The following CTSV variants were observed in gnomAD, a reference collection of about 807,000 sequenced individuals.
CTSV encodes the protein cathepsin L2.
A neutral mutation model predicts 35.6 loss-of-function variants in CTSV; 33 were observed. The ratio of observed to expected loss-of-function variants is 0.93; its 90% CI spans 0.70 to 1.24. The LOEUF (loss-of-function observed/expected upper bound fraction) is 1.24, where lower values mean the gene tolerates loss of function less well. Ranked by LOEUF, CTSV falls within the 50% of genes most tolerant of loss-of-function variation. The pLI is 0.00. For synonymous variants in CTSV, 154 were observed against 147.1 expected (o/e 1.05, Z -0.34); for missense variants, 408 against 413.1 (o/e 0.99, Z 0.11).
At position 97,036,547 on chromosome 9, in the gene CTSV, C is replaced by T; in HGVS notation, c.597G>A (p.Glu199=). ...CCACTGCTACATATGGATAGGATTC[C>T]TCAGAGTCCAGGCCTCCGTTCTCCT... ...YVKENGGLDS[E]ESYPYVAVDE... is the part of the protein sequence containing the mutation. The change falls in exon 5 of 8, where the codon GAG becomes GAA. Residue 199 remains glutamate, a synonymous_variant. Coordinates refer to ENST00000259470, the MANE Select transcript of CTSV (RefSeq NM_001333.4). The T allele has an allele frequency of 6.2e-7, 1 of 1,613,934 alleles. No individual in the cohort carries two copies. The highest frequency in any genetic ancestry group is 1.1e-5 in the South Asian group (1 of 91,074).
chr9:97,037,489 T>C lies in CTSV; in HGVS notation c.249+4A>G, dbSNP rs760018434. The C allele has an allele frequency of 6.2e-6, 10 of 1,614,086 alleles. No individual in the cohort carries two copies. Among genetic ancestry groups the C allele is most frequent in the South Asian group, 1.1e-5 (1 of 91,088 alleles). On this transcript the variant is annotated splice_donor_region_variant and intron_variant, in intron 3 of 7. Transcript: ENST00000259470. ...CAGAGTTCAGCAATCCTTGCCACAC[T>C]CACCATGTCACCAAAAGCATTCATG...
In CTSV at chr9:97,036,793, A is replaced by G. The variant is rs1828860059; in HGVS notation, c.397-46T>C. 5 of 1,434,496 alleles carry G rather than the reference A, an allele frequency of 3.5e-6. No homozygotes were observed. In the African/African-American group the frequency reaches 5.8e-5, roughly 17 times the overall value. 88.9% of individuals were successfully genotyped at this position (1,434,496 alleles called of 1,614,324 possible). ...AGCTGTAAATTTACAAGACCAATAC[A>G]AATACAGTACCCCATAATTGAATTA... On this transcript the variant is annotated intron_variant, in intron 4 of 7. Transcript: ENST00000259470.
At chr9:97,036,164 G>T (rs565695807) in intron 5 of CTSV, among the ~76,000 whole-genome samples, 1 of 151,558 alleles carries the variant, frequency 6.6e-6, no homozygotes, top group African/African-American at 2.4e-5. Flanking sequence ...TCCGCCTCCC[G>T]GGTTCACGTC....
chr9:97,034,607 T>A, intron 7 of CTSV, 119 bp downstream of exon 7: 1 of 730,398 alleles, frequency 1.4e-6, no homozygotes, highest in Non-Finnish European at 2.4e-6. Flanking sequence ...ACATTAATAT[T>A]TCTGTGTTCA....
chr9:97,037,636 G>C, intron 2 of CTSV, 21 bp from the exon 3 acceptor site: 1 of 1,611,930 alleles, frequency 6.2e-7, no homozygotes, highest in East Asian at 2.2e-5. Context: ...ACATATAGCT[G>C]GTGGACTTTA....
chr9:97,035,750 TTAG>T, intron 5 of CTSV, 57 bp from the exon 6 acceptor site: 3 of 1,246,966 alleles, frequency 2.4e-6, no homozygotes, highest in Non-Finnish European at 3.1e-6. Flanking sequence ...CTGGGGAACA[TTAG>T]TTCTAGAACC....
At chr9:97,037,874 C>T (rs1258309183) in intron 2 of CTSV, 44 bp downstream of exon 2, 15 of 1,604,286 alleles carry the variant, frequency 9.3e-6, no homozygotes, top group Non-Finnish European at 1.3e-5. Flanking sequence ...CAGCGAGGAC[C>T]ATTCTCTCCA....
Position 97,031,980 on chromosome 9 carries a change from G to GTCA in CTSV, c.*966_*968dup, listed in dbSNP as rs1359062638. The GTCA allele has an allele frequency of 6.6e-6, 1 of 152,224 alleles. No individual in the cohort carries two copies. Among genetic ancestry groups the GTCA allele is most frequent in the African/African-American group, 2.4e-5 (1 of 41,448 alleles). 9.4% of individuals were successfully genotyped at this position (152,224 alleles called of 1,614,324 possible). A position where few individuals can be genotyped will look rare whatever the true frequency, so the allele number is the denominator to read the frequency against. On this transcript the variant is annotated 3_prime_UTR_variant, in exon 8 of 8. Coordinates refer to ENST00000259470, the MANE Select transcript of CTSV (RefSeq NM_001333.4). ...TGCGTCTTCCTCAGACTGCAAAGTG[G>GTCA]TCACCAGCAATTCAGAGAGGCTCCA...
intron 4 of CTSV, among the ~76,000 whole-genome samples, 188 bp from the exon 5 acceptor site, chr9:97,036,935 T>C (rs1828862758): frequency 6.6e-6 from 1 of 151,778 alleles, no homozygotes; most frequent in Non-Finnish European, 1.5e-5. Context: ...TGAAACCCTG[T>C]CGCTACTAAA....
intron 1 of CTSV, chr9:97,038,275 T>C: frequency 4.5e-6 from 2 of 440,364 alleles, no homozygotes; most frequent in East Asian, 4.1e-5. Context: ...TAATTTAGGG[T>C]ATGAGAAGGG....
chr9:97,036,372 G>C, intron 5 of CTSV, 151 bp downstream of exon 5: 2 of 713,242 alleles, frequency 2.8e-6, no homozygotes, highest in Non-Finnish European at 4.9e-6. Context: ...CCTGGCCAAA[G>C]GCTAATAATT....
At position 97,031,198 on chromosome 9, in the gene CTSV, T is replaced by C. The variant is rs924034899; in HGVS notation, c.*1751A>G. 6 of 152,312 alleles carry C rather than the reference T, an allele frequency of 3.9e-5. No individual in the cohort carries two copies. Among genetic ancestry groups the C allele is most frequent in the African/African-American group, 1.2e-4 (5 of 41,562 alleles). 9.4% of individuals were successfully genotyped at this position (152,312 alleles called of 1,614,324 possible). A position where few individuals can be genotyped will look rare whatever the true frequency, so the allele number is the denominator to read the frequency against. On this transcript the variant is annotated 3_prime_UTR_variant, in exon 8 of 8. Transcript: ENST00000259470. ...CCAAGAATCTGTGGAGAGTACCAAC[T>C]TAGCCTGCTGCTGCAAAGACGAAGG...
chr9:97,038,317 A>C, intron 1 of CTSV: 1 of 303,186 alleles, frequency 3.3e-6, no homozygotes, highest in Non-Finnish European at 6.3e-6. Context: ...GAGAAGCTTA[A>C]GGCAACAACT....
In CTSV at chr9:97,035,660, C is replaced by T. The variant is rs1366704089; in HGVS notation, c.655G>A (p.Val219Ile). Reference protein sequence around the residue: ...EICKYRPENSVANDTGFTVVA... With the variant: ...EICKYRPENSIANDTGFTVVA... ...ACTGTGAAGCCAGTGTCATTAGCAA[C>T]AGAATTCTCAGGTCTGTACTTACAG... Residue 219 changes from valine (V) to isoleucine (I), a missense_variant, in exon 6 of 8, where the codon GTT becomes ATT. Transcript: ENST00000259470. The T allele has an allele frequency of 1.3e-6, 2 of 1,588,932 alleles. No individual in the cohort carries two copies. Among genetic ancestry groups the T allele is most frequent in the African/African-American group, 1.4e-5 (1 of 73,720 alleles).
At chr9:97,039,321 C>G (rs916676860), upstream of CTSV, 2 of 152,736 alleles carry the variant, frequency 1.3e-5, no homozygotes, top group African/African-American at 4.8e-5. Flanking sequence ...TCAATACACC[C>G]TGGCTGCGGG....
At chr9:97,036,412 G>A in intron 5 of CTSV, 111 bp downstream of exon 5, 1 of 820,822 alleles carries the variant, frequency 1.2e-6, no homozygotes, top group Non-Finnish European at 2.1e-6. Context: ...GTTTGCAGAT[G>A]TAGATTCTAC....
At chr9:97,034,355 G>A (rs953490841) in intron 7 of CTSV, among the ~76,000 whole-genome samples, 2 of 152,274 alleles carry the variant, frequency 1.3e-5, no homozygotes, top group Middle Eastern at 6.8e-3. Flanking sequence ...CTGGACTCCC[G>A]GATGATCTCT....
rs528043145 is a variant in CTSV at position 97,031,545 on chromosome 9, T to A, written c.*1404A>T. ...AAACGAGTTAAATAACCACCCATAATTCACCCACAAGTTTGGTGTACTTTC... is the reference window on the plus strand; with the variant it reads ...AAACGAGTTAAATAACCACCCATAAATCACCCACAAGTTTGGTGTACTTTC... On this transcript the variant is annotated 3_prime_UTR_variant, in exon 8 of 8. Coordinates refer to ENST00000259470, the MANE Select transcript of CTSV (RefSeq NM_001333.4). 6.6e-6 allele frequency: 1 copy of A among 152,258 alleles called. No individual in the cohort carries two copies. The highest frequency in any genetic ancestry group is 1.5e-5 in the Non-Finnish European group (1 of 68,046). The allele number at this position is 152,258 out of a possible 1,614,324, so 9.4% of individuals were successfully genotyped here.
chr9:97,037,375 C>T lies in CTSV; in HGVS notation c.273G>A (p.Met91Ile). 6.2e-7 allele frequency: 1 copy of T among 1,614,146 alleles called. No homozygotes were observed. Among genetic ancestry groups the T allele is most frequent in the Non-Finnish European group, 8.5e-7 (1 of 1,180,022 alleles). Residue 91 changes from methionine to isoleucine, a missense_variant, in exon 4 of 8, where the codon ATG becomes ATA. Met to Ile is a conservative substitution (Grantham distance 10). Coordinates refer to ENST00000259470, the MANE Select transcript of CTSV (RefSeq NM_001333.4). The stretch of plus-strand genomic sequence containing the variant: ...ATTTCTGGTTTCGAAAGCAACCCAT[C>T]ATCTGCCTGAATTCTTCATTGGTCT... ...GDMTNEEFRQ[M>I]MGCFRNQKFR...
Sources: gnomAD v4.1 joint callset for allele counts (sites outside exome capture counted in the v4.1 genomes callset) on GRCh38, gnomAD v4.1.1 for gene constraint, MANE v1.5 for transcripts, NCBI Gene and HGNC (gene_info 2026-07-23, HGNC 2026-07-21) for gene names.